The following NR2F1-AS1 variants were observed in gnomAD, a reference collection of about 807,000 sequenced individuals.
NR2F1-AS1 encodes the protein NR2F1 regulatory antisense RNA 1, also known as NR2F1 antisense RNA 1.
At chr5:93,520,610 G>C (rs1751481640) in intron 4 of NR2F1-AS1, among the ~76,000 whole-genome samples, 1 of 152,052 alleles carries the variant, frequency 6.6e-6, no homozygotes, top group Non-Finnish European at 1.5e-5. Context: ...AATTTTTCAA[G>C]AGAAGTATGG....
chr5:93,428,553 ATTGTTCCAATGGATCTGTTTCCAGTT>A (rs1002725027), intron 4 of NR2F1-AS1, among the ~76,000 whole-genome samples: 5 of 152,196 alleles, frequency 3.3e-5, no homozygotes, highest in African/African-American at 4.8e-5. Context: ...CTTAGCCATA[ATTGTTCCAATGGATCTGTTTCCAGTT>A]TTGTATTTTA....
intron 4 of NR2F1-AS1, among the ~76,000 whole-genome samples, chr5:93,462,385 CCACAG>C (rs1750116220): frequency 6.6e-6 from 1 of 152,164 alleles, no homozygotes; most frequent in African/African-American, 2.4e-5. Context: ...TGTGAGGTTT[CCACAG>C]CCATGTGGAA....
chr5:93,517,222 A>G (rs2149893560), intron 4 of NR2F1-AS1, among the ~76,000 whole-genome samples: 1 of 152,062 alleles, frequency 6.6e-6, no homozygotes. Context: ...TAAGTCTTTA[A>G]AGTACTATAC....
intron 4 of NR2F1-AS1, among the ~76,000 whole-genome samples, chr5:93,532,402 A>G (rs183091775): frequency 7.2e-5 from 11 of 152,062 alleles, no homozygotes; most frequent in African/African-American, 2.7e-4. Context: ...CAAGACAGAG[A>G]GAGAGAGAGA....
At chr5:93,470,860 G>A (rs1291238981) in intron 4 of NR2F1-AS1, among the ~76,000 whole-genome samples, 5 of 151,594 alleles carry the variant, frequency 3.3e-5, no homozygotes, top group African/African-American at 1.2e-4. Context: ...GTATATTGCC[G>A]ATAATACAAA....
At chr5:93,413,818 G>C (rs572272240) in intron 4 of NR2F1-AS1, among the ~76,000 whole-genome samples, 1 of 152,304 alleles carries the variant, frequency 6.6e-6, no homozygotes, top group African/African-American at 2.4e-5. Context: ...TTCTGGGTCA[G>C]TGTTATTTAT....
chr5:93,445,811 G>A (rs1749691962), intron 4 of NR2F1-AS1, among the ~76,000 whole-genome samples: 1 of 152,096 alleles, frequency 6.6e-6, no homozygotes, highest in Non-Finnish European at 1.5e-5. Flanking sequence ...ATAAAATACT[G>A]GCAAACTGAA....
chr5:93,537,498 C>T (rs891635391), intron 4 of NR2F1-AS1, among the ~76,000 whole-genome samples: 1 of 151,880 alleles, frequency 6.6e-6, no homozygotes, highest in Non-Finnish European at 1.5e-5. Flanking sequence ...GGCAAAAGAC[C>T]TTAATAGACA....
At chr5:93,541,865 C>T (rs1751957977) in intron 4 of NR2F1-AS1, 1 of 151,754 alleles carries the variant, frequency 6.6e-6, no homozygotes. Flanking sequence ...AAAAAAAACT[C>T]AGCAAACACA....
At chr5:93,562,386 G>A (rs925142412) in intron 2 of NR2F1-AS1, among the ~76,000 whole-genome samples, 144 of 151,990 alleles carry the variant, frequency 9.5e-4, no homozygotes, top group African/African-American at 3.4e-3. Context: ...TGACCTCCCC[G>A]GCTCAAGTGA....
chr5:93,532,287 A>AG, intron 4 of NR2F1-AS1, among the ~76,000 whole-genome samples: 1 of 152,160 alleles, frequency 6.6e-6, no homozygotes, highest in East Asian at 1.9e-4. Flanking sequence ...TTCTGTCCCT[A>AG]GGAAAAAAAA....
At chr5:93,548,708 C>CA (rs1445839177) in intron 4 of NR2F1-AS1, among the ~76,000 whole-genome samples, 2,598 of 136,904 alleles carry the variant, frequency 0.019, 178 homozygotes, top group Admixed American at 0.13. Flanking sequence ...ACTAAAAATA[C>CA]AAAAAAAAAA....
At chr5:93,524,727 T>G (rs1027580320) in intron 4 of NR2F1-AS1, among the ~76,000 whole-genome samples, 1 of 152,140 alleles carries the variant, frequency 6.6e-6, no homozygotes, top group African/African-American at 2.4e-5. Context: ...AAAAGAATTT[T>G]CAACCCAGAA....
intron 4 of NR2F1-AS1, among the ~76,000 whole-genome samples, chr5:93,523,830 C>T (rs1384467380): frequency 6.6e-6 from 1 of 152,088 alleles, no homozygotes; most frequent in Admixed American, 6.5e-5. Context: ...CGGACAACCA[C>T]ACAAAAACTC....
In NR2F1-AS1 at chr5:93,550,333, T is replaced by C. The variant is rs527287215; in HGVS notation, n.638+3428A>G. ...TGGAAATACTCAAGATTCAGGTCAC[T>C]ATGGGCCCTTTTCCCTACTCAAAAA... On this transcript the variant is annotated intron_variant and non_coding_transcript_variant, in intron 4 of 5. Transcript: ENST00000660523. Among the ~76,000 whole-genome samples the C allele has an allele frequency of 5.9e-5, 9 of 152,308 alleles. No individual in the cohort carries two copies. In the East Asian group the frequency reaches 1.7e-3, roughly 29 times the overall value.
intron 4 of NR2F1-AS1, among the ~76,000 whole-genome samples, chr5:93,441,386 C>T (rs543447116): frequency 6.6e-6 from 1 of 152,140 alleles, no homozygotes; most frequent in Non-Finnish European, 1.5e-5. Context: ...CATAGCACCT[C>T]AAAAAAGTCA....
At chr5:93,536,895 C>T (rs1031819420) in intron 4 of NR2F1-AS1, among the ~76,000 whole-genome samples, 6 of 152,028 alleles carry the variant, frequency 3.9e-5, no homozygotes, top group African/African-American at 1.2e-4. Flanking sequence ...GTGCTGTTCT[C>T]GAGATAGTGA....
At chr5:93,519,393 T>C (rs1025636089) in intron 4 of NR2F1-AS1, among the ~76,000 whole-genome samples, 2 of 152,028 alleles carry the variant, frequency 1.3e-5, no homozygotes, top group Non-Finnish European at 2.9e-5. Flanking sequence ...GACTCCACTG[T>C]GTAAATCATT....
At chr5:93,519,960 CTATT>C (rs1005228204) in intron 4 of NR2F1-AS1, among the ~76,000 whole-genome samples, 3 of 151,950 alleles carry the variant, frequency 2.0e-5, no homozygotes, top group African/African-American at 4.8e-5. Flanking sequence ...AAAATCCTCT[CTATT>C]TATGGAAAGA....
Sources: gnomAD v4.1 joint callset for allele counts (sites outside exome capture counted in the v4.1 genomes callset) on GRCh38, gnomAD v4.1.1 for gene constraint, MANE v1.5 for transcripts, NCBI Gene and HGNC (gene_info 2026-07-23, HGNC 2026-07-21) for gene names.